Variants in PRRC1 observed in about 807,000 individuals in gnomAD.
The protein encoded by PRRC1 is proline rich coiled-coil 1.
In PRRC1, 39 loss-of-function variants were observed where a neutral mutation model predicts 40.7. The ratio of observed to expected loss-of-function variants is 0.96; its 90% confidence interval spans 0.74 to 1.25. The LOEUF is 1.25. Ranked by LOEUF, PRRC1 falls within the 50% of genes most tolerant of loss-of-function variation. The pLI, the probability that PRRC1 is intolerant of heterozygous loss-of-function variation, is 0.00. For missense variants in PRRC1, 573 were observed against 548.3 expected, an observed-to-expected ratio of 1.05 and a Z score of -0.45; for synonymous variants, 175 against 193.3, an observed-to-expected ratio of 0.91 and a Z score of 0.79.
intron 6 of PRRC1, among the ~76,000 whole-genome samples, chr5:127,535,087 C>CGATGGTTAG (rs57806100): frequency 0.32 from 48,104 of 151,710 alleles, 7,823 homozygotes; most frequent in East Asian, 0.54. Flanking sequence ...AGGGGAGATA[C>CGATGGTTAG]GATGGTTAGG....
At position 127,524,672 on chromosome 5, in the gene PRRC1, C is replaced by G. The variant is rs1349205931; in HGVS notation, c.245C>G (p.Ser82Cys). The change falls in exon 3 of 9, where the codon TCT becomes TGT. Residue 82 changes from serine (S) to cysteine (C), a missense_variant. Transcript: ENST00000296666. The part of the protein sequence containing the change: ...LPFVPPPAVP[S>C]VPPLVTSMPP... Reference sequence around the variant, plus strand: ...TTTGTGCCTCCTCCTGCAGTTCCTTCTGTCCCACCACTTGTTACTTCTATG... The same window carrying G: ...TTTGTGCCTCCTCCTGCAGTTCCTTGTGTCCCACCACTTGTTACTTCTATG... The G allele has an allele frequency of 7.4e-6, 12 of 1,614,212 alleles. No homozygotes were observed. The highest frequency in any genetic ancestry group is 9.3e-6 in the Non-Finnish European group (11 of 1,180,034).
rs901838441 is a variant in PRRC1 at position 127,517,642 on chromosome 5, C to G, written c.-155C>G. 32 of 151,376 alleles carry G rather than the reference C, an allele frequency of 2.1e-4. No individual in the cohort carries two copies. Among genetic ancestry groups the G allele is most frequent in the African/African-American group, 7.7e-4 (32 of 41,322 alleles). 9.4% of individuals were successfully genotyped at this position (151,376 alleles called of 1,614,324 possible). On this transcript the variant is annotated 5_prime_UTR_variant, in exon 1 of 9. The change creates a new upstream start codon in the 5' untranslated region. Coordinates refer to ENST00000296666, the MANE Select transcript of PRRC1 (RefSeq NM_130809.5). The stretch of plus-strand genomic sequence containing the variant: ...AGGAGCATGCGCCGCCCGTGGCCAT[C>G]TTGTAGGCGGGGACACGCCGAGGTA...
chr5:127,530,840 T>G (rs1767750243), intron 5 of PRRC1, among the ~76,000 whole-genome samples: 1 of 152,150 alleles, frequency 6.6e-6, no homozygotes, highest in Non-Finnish European at 1.5e-5. Flanking sequence ...CAAATCTAGT[T>G]AATAATATCT....
In PRRC1 at chr5:127,533,615, C is replaced by A; in HGVS notation, c.758-8C>A. ...TTTGAAAGTTAAATTTTCCTCTGGTCTTTTTAGAATCTGGAGGTGAACTGG... is the reference window on the plus strand; with the variant it reads ...TTTGAAAGTTAAATTTTCCTCTGGTATTTTTAGAATCTGGAGGTGAACTGG... On this transcript the variant is annotated splice_polypyrimidine_tract_variant and splice_region_variant and intron_variant, in intron 5 of 8. Coordinates refer to ENST00000296666, the MANE Select transcript of PRRC1 (RefSeq NM_130809.5). 1 of 1,603,870 alleles carries A rather than the reference C, an allele frequency of 6.2e-7. No homozygotes were observed. Among genetic ancestry groups the A allele is most frequent in the Non-Finnish European group, 8.5e-7 (1 of 1,176,688 alleles).
At chr5:127,525,042 A>C in intron 3 of PRRC1, 122 bp downstream of exon 3, 1 of 992,144 alleles carries the variant, frequency 1.0e-6, no homozygotes, top group Non-Finnish European at 1.4e-6. Flanking sequence ...CAAAGCATAC[A>C]GTTCCATAGT....
intron 7 of PRRC1, among the ~76,000 whole-genome samples, chr5:127,541,021 GCT>G (rs371209334): frequency 0.014 from 2,128 of 152,246 alleles, 27 homozygotes; most frequent in East Asian, 0.039. Context: ...GTCATAGATA[GCT>G]CTTATTATTT....
rs1435529415 is a variant in PRRC1 at position 127,547,837 on chromosome 5, T to G, written c.1044T>G (p.Cys348Trp). ...LLPDKWFDIG[C>W]LVVEDPVHGI... The stretch of plus-strand genomic sequence containing the variant: ...GTTGCAGATGGTTTGACATTGGTTG[T>G]TTGGTGGTTGAAGATCCTGTCCATG... The change falls in exon 8 of 9, where the codon TGT (cysteine) becomes TGG (tryptophan). Residue 348 changes from cysteine (C) to tryptophan (W), a missense_variant. Coordinates refer to ENST00000296666, the MANE Select transcript of PRRC1 (RefSeq NM_130809.5). 4.3e-6 allele frequency: 7 copies of G among 1,612,834 alleles called. No individual in the cohort carries two copies. The highest frequency in any genetic ancestry group is 5.9e-6 in the Non-Finnish European group (7 of 1,179,268).
At chr5:127,545,392 G>A (rs1168663334) in intron 7 of PRRC1, among the ~76,000 whole-genome samples, 2 of 152,032 alleles carry the variant, frequency 1.3e-5, no homozygotes, top group African/African-American at 2.4e-5. Context: ...CAATCCAAAT[G>A]TCCAACAATG....
rs150064332 is a variant in PRRC1 at position 127,526,664 on chromosome 5, G to A, written c.540G>A (p.Leu180=). Residue 180 remains leucine, a synonymous_variant, in exon 4 of 9, where the codon CTG becomes CTA. Transcript: ENST00000296666. ...CTCAGCAAGCCAGTTTGACATCTCT[G>A]GCACAGGGAACTGGAACCACATCAG... ...PITQQASLTS[L]AQGTGTTSAI... is the part of the protein sequence containing the mutation. 3.1e-6 allele frequency: 5 copies of A among 1,613,262 alleles called. No homozygotes were observed. The highest frequency in any genetic ancestry group is 3.4e-6 in the Non-Finnish European group (4 of 1,179,560).
chr5:127,530,149 T>C (rs1366934024), intron 4 of PRRC1, 145 bp from the exon 5 acceptor site: 1 of 619,598 alleles, frequency 1.6e-6, no homozygotes, highest in East Asian at 2.8e-5. Context: ...AATAGCAATT[T>C]GATATTGTCA....
chr5:127,535,084 A>G (rs1311468584), intron 6 of PRRC1, among the ~76,000 whole-genome samples: 1 of 122,940 alleles, frequency 8.1e-6, no homozygotes, highest in African/African-American at 2.9e-5. Context: ...CCCAGGGGAG[A>G]TACGATGGTT....
intron 4 of PRRC1, among the ~76,000 whole-genome samples, chr5:127,527,113 T>G (rs1767639510): frequency 6.6e-6 from 1 of 152,240 alleles, no homozygotes; most frequent in Admixed American, 6.5e-5. Flanking sequence ...CCATACATGC[T>G]GTTGCATTTA....
intron 4 of PRRC1, among the ~76,000 whole-genome samples, chr5:127,528,463 T>C (rs765410001): frequency 2.6e-5 from 4 of 151,980 alleles, no homozygotes; most frequent in Non-Finnish European, 5.9e-5. Flanking sequence ...TACAGGCATC[T>C]GCCTCCATGC....
In PRRC1 at chr5:127,553,564, G is replaced by A. The variant is rs577446378; in HGVS notation, c.*1648G>A. 3.2e-6 allele frequency: 4 copies of A among 1,252,812 alleles called. No homozygotes were observed. In the African/African-American group the frequency reaches 6.3e-5, roughly 20 times the overall value. The allele number at this position is 1,252,812 out of a possible 1,614,324, so 77.6% of individuals were successfully genotyped here. On this transcript the variant is annotated 3_prime_UTR_variant, in exon 9 of 9. Transcript: ENST00000296666. ...TTTTAAAAGCTATCCTTTTCTAGTAGTATTTTATCATGGCAATGGCATGAT... is the reference window on the plus strand; with the variant it reads ...TTTTAAAAGCTATCCTTTTCTAGTAATATTTTATCATGGCAATGGCATGAT...
At chr5:127,544,758 A>ACC (rs1382866948) in intron 7 of PRRC1, among the ~76,000 whole-genome samples, 1 of 152,044 alleles carries the variant, frequency 6.6e-6, no homozygotes. Context: ...GGTGGGAGTG[A>ACC]CCCGATTTTC....
chr5:127,545,548 A>T (rs1484511737), intron 7 of PRRC1, among the ~76,000 whole-genome samples: 3 of 149,588 alleles, frequency 2.0e-5, no homozygotes, highest in African/African-American at 7.4e-5. Flanking sequence ...AAAAAACCAA[A>T]CATCACATGT....
Position 127,554,393 on chromosome 5 carries a change from ACTC to A in PRRC1, c.*2480_*2482del, listed in dbSNP as rs1272712763. ...TGTGATTTTTTTTTTCTTCCGAAGA[ACTC>A]CTGGTTGTTATTGGATTTTGTATTT... On this transcript the variant is annotated 3_prime_UTR_variant, in exon 9 of 9. Transcript: ENST00000296666. The A allele has an allele frequency of 6.6e-6, 1 of 150,560 alleles. No individual in the cohort carries two copies. Among genetic ancestry groups the A allele is most frequent in the Non-Finnish European group, 1.5e-5 (1 of 67,640 alleles). 9.3% of individuals were successfully genotyped at this position (150,560 alleles called of 1,614,324 possible). A position where few individuals can be genotyped will look rare whatever the true frequency, so the allele number is the denominator to read the frequency against.
At chr5:127,533,519 CTG>C in intron 5 of PRRC1, 102 bp from the exon 6 acceptor site, 1 of 938,390 alleles carries the variant, frequency 1.1e-6, no homozygotes, top group Non-Finnish European at 1.6e-6. Context: ...TTTTATGAAA[CTG>C]GTAATAATTA....
At chr5:127,521,135 A>G (rs1767448438) in intron 1 of PRRC1, among the ~76,000 whole-genome samples, 1 of 152,164 alleles carries the variant, frequency 6.6e-6, no homozygotes, top group South Asian at 2.1e-4. Context: ...CAGTATGTTC[A>G]GCTCCCCTGT....
Sources: allele counts gnomAD v4.1 joint callset (sites outside exome capture counted in the v4.1 genomes callset), GRCh38; gene constraint gnomAD v4.1.1; transcripts MANE v1.5; gene names NCBI Gene and HGNC (gene_info 2026-07-23, HGNC 2026-07-21).